MAST1: variants seen among roughly 807,000 people sequenced by gnomAD.
MAST1 encodes microtubule associated serine/threonine kinase 1.
A neutral mutation model predicts 124.6 loss-of-function variants in MAST1; 40 were observed. The observed-to-expected ratio is 0.32, with a 90% CI of 0.25 to 0.42. The LOEUF is 0.42. Among genes scored for constraint, MAST1 ranks in the 10% least tolerant of loss-of-function variants. MAST1 has a pLI of 1.00. For missense variants in MAST1, 1,558 were observed against 2,181.9 expected (o/e 0.71, Z 5.70); for synonymous variants, 938 against 939.4 (o/e 1.00, Z 0.03).
rs1390341638 is a variant in MAST1, at chr19:12,873,921, C to T, written c.3764C>T (p.Pro1255Leu). The change falls in exon 26 of 26, where the codon CCC becomes CTC. Residue 1255 changes from proline to leucine, a missense_variant. Pro to Leu is a moderately conservative substitution (Grantham distance 98). Around this residue, in one of 10 missense-constraint regions of MAST1, gnomAD observed 263 missense variants for 310.9 expected, o/e 0.85. Coordinates refer to ENST00000251472, the MANE Select transcript of MAST1 (RefSeq NM_014975.3). ...VVRPRPKSAEPPRSPLLKRVQ... is the reference protein window; with the variant it reads ...VVRPRPKSAELPRSPLLKRVQ... ...CGCCCGCGCCCCAAGAGTGCCGAGC[C>T]CCCTCGCTCGCCGCTCCTCAAGCGC... The T allele has an allele frequency of 6.3e-7, 1 of 1,586,674 alleles. No homozygotes were observed. The highest frequency in any genetic ancestry group is 1.1e-5 in the South Asian group (1 of 88,888).
chr19:12,852,594 T>C (rs1969976190), intron 10 of MAST1, among the ~76,000 whole-genome samples, 199 bp downstream of exon 10: 1 of 151,888 alleles, frequency 6.6e-6, no homozygotes, highest in Admixed American at 6.6e-5. Context: ...ATCCCAGCAC[T>C]TTGGGAGGCC....
At position 12,838,582 on chromosome 19, in the gene MAST1, T is replaced by C. The variant is rs1323600918; in HGVS notation, c.10T>C (p.Ser4Pro). The C allele has an allele frequency of 6.3e-7, 1 of 1,586,016 alleles. No individual in the cohort carries two copies. The highest frequency in any genetic ancestry group is 2.4e-5 in the East Asian group (1 of 41,070). The change falls in exon 1 of 26, where the codon TCT becomes CCT. Residue 4 changes from serine to proline, a missense_variant. By Grantham distance (74) the Ser-to-Pro change is moderately conservative (BLOSUM62 -1). Coordinates refer to ENST00000251472, the MANE Select transcript of MAST1 (RefSeq NM_014975.3). This position sits in a 1 kb window ranked among gnomAD's most constrained non-coding sequence, Gnocchi z 4.3. Reference protein sequence around the residue: MSDSLWTALSNFSM... With the variant: MSDPLWTALSNFSM... ...TCGCCGCCGCCGGGTCATGTCTGAC[T>C]CTCTCTGGACCGCGCTTTCTAATTT...
Position 12,865,665 on chromosome 19 carries a change from C to A in MAST1, c.1805-52C>A. On this transcript the variant is annotated intron_variant, in intron 15 of 25. Transcript: ENST00000251472. The surrounding 1 kb of genome is among the most constrained non-coding windows in gnomAD (Gnocchi z 7.1). ...TGGGTGACACAGTGAGATCCTGTGT[C>A]CAAACAACAACAACAACAAAAACCG... 6.7e-7 allele frequency: 1 copy of A among 1,495,272 alleles called. No homozygotes were observed. Among genetic ancestry groups the A allele is most frequent in the Non-Finnish European group, 9.1e-7 (1 of 1,097,266 alleles). The allele number at this position is 1,495,272 out of a possible 1,614,324, so 92.6% of individuals were successfully genotyped here. A position where few individuals can be genotyped will look rare whatever the true frequency, so the allele number is the denominator to read the frequency against.
At position 12,871,021 on chromosome 19, in the gene MAST1, G is replaced by T. The variant is rs372440287; in HGVS notation, c.3127-15G>T. ...GCAGCCCCTAGCAGAGCATTTTCCC[G>T]CATTCTTCCCCCAGAGTGGCAACAA... On this transcript the variant is annotated splice_polypyrimidine_tract_variant and intron_variant, in intron 23 of 25. Transcript: ENST00000251472. The T allele has an allele frequency of 1.1e-5, 18 of 1,613,936 alleles. No individual in the cohort carries two copies. The South Asian group carries it at 1.8e-4, about 16-fold the overall frequency.
In MAST1 at chr19:12,866,839, C is replaced by A; in HGVS notation, c.2139+77C>A. 1 of 1,233,190 alleles carries A rather than the reference C, an allele frequency of 8.1e-7. No homozygotes were observed. The highest frequency in any genetic ancestry group is 1.2e-6 in the Non-Finnish European group (1 of 858,372). The allele number at this position is 1,233,190 out of a possible 1,614,324, so 76.4% of individuals were successfully genotyped here. ...TTGGAGAGACAGTGAGAAACAGGTT[C>A]CCTGGTGCCCAAGGTCTCAGGAGCG... is the stretch of plus-strand genomic sequence containing the variant. On this transcript the variant is annotated intron_variant, in intron 18 of 25. Coordinates refer to ENST00000251472, the MANE Select transcript of MAST1 (RefSeq NM_014975.3). The surrounding 1 kb of genome is among the most constrained non-coding windows in gnomAD (Gnocchi z 5.2).
intron 4 of MAST1, among the ~76,000 whole-genome samples, chr19:12,845,411 C>CAAAAAAAAAAAAAA (rs540488398): frequency 4.3e-5 from 3 of 69,110 alleles, no homozygotes; most frequent in South Asian, 1.2e-3. Context: ...CCTGTTTCTA[C>CAAAAAAAAAAAAAA]AAAAAAAAAA....
chr19:12,867,370 G>C (rs1232584399), intron 18 of MAST1, 104 bp from the exon 19 acceptor site: 4 of 1,337,806 alleles, frequency 3.0e-6, no homozygotes, highest in Non-Finnish European at 3.2e-6. Flanking sequence ...GCCAGGCCTC[G>C]GAGGGTGGAG....
chr19:12,858,918 T>A, intron 12 of MAST1, 179 bp downstream of exon 12: 1 of 636,378 alleles, frequency 1.6e-6, no homozygotes, highest in East Asian at 2.7e-5. Flanking sequence ...TATTCAGTCA[T>A]CTATTGGTTT....
rs1599587127 is a variant in MAST1 at position 12,862,720 on chromosome 19, T to C, written c.1367-2089T>C. 2.0e-5 allele frequency among the ~76,000 whole-genome samples: 3 copies of C among 148,500 alleles called. No homozygotes were observed. In the South Asian group the frequency reaches 6.3e-4, roughly 31 times the overall value. On this transcript the variant is annotated intron_variant, in intron 12 of 25. Transcript: ENST00000251472. The stretch of plus-strand genomic sequence containing the variant: ...GCTAAACTCGTTGCCCAGGCTAGAG[T>C]GCAATGACGTGATCTTGGCTCACCG...
In MAST1 at chr19:12,865,937, C is replaced by T. The variant is rs372036717; in HGVS notation, c.1907-43C>T. 14 of 1,612,362 alleles carry T rather than the reference C, an allele frequency of 8.7e-6. No homozygotes were observed. The highest frequency in any genetic ancestry group is 1.2e-5 in the Non-Finnish European group (14 of 1,179,252). ...AGACATGGGGGGCGGGGCTGGGCTG[C>T]TGGGTTGGCCATCAGCTGTGGCTGG... is the stretch of plus-strand genomic sequence containing the variant. On this transcript the variant is annotated intron_variant, in intron 16 of 25. Coordinates refer to ENST00000251472, the MANE Select transcript of MAST1 (RefSeq NM_014975.3). This position sits in a 1 kb window ranked among gnomAD's most constrained non-coding sequence, Gnocchi z 7.1.
At chr19:12,848,138 A>G in intron 7 of MAST1, 81 bp downstream of exon 7, 1 of 1,282,544 alleles carries the variant, frequency 7.8e-7, no homozygotes, top group South Asian at 1.3e-5. Flanking sequence ...TTCACCCCAC[A>G]TACATTCAGG....
At position 12,867,602 on chromosome 19, in the gene MAST1, G is replaced by T. The variant is rs1320793124; in HGVS notation, c.2268G>T (p.Leu756=). The change falls in exon 19 of 26, where the codon CTG becomes CTT. Residue 756 remains leucine, a synonymous_variant. Coordinates refer to ENST00000251472, the MANE Select transcript of MAST1 (RefSeq NM_014975.3). Reference sequence around the variant, plus strand: ...AGGTGGCCGGCAAGCGGGAGGGGCTGGGCGGCCTGACCCTGCGTGAGAAGA... The same window carrying T: ...AGGTGGCCGGCAAGCGGGAGGGGCTTGGCGGCCTGACCCTGCGTGAGAAGA... The part of the protein sequence containing the change: ...EEKVAGKREG[L]GGLTLREKTW... 2 of 1,612,742 alleles carry T rather than the reference G, an allele frequency of 1.2e-6. No homozygotes were observed. Among genetic ancestry groups the T allele is most frequent in the East Asian group, 2.2e-5 (1 of 44,856 alleles).
chr19:12,867,256 G>C (rs1021909372), intron 18 of MAST1, among the ~76,000 whole-genome samples: 2 of 152,106 alleles, frequency 1.3e-5, no homozygotes, highest in Non-Finnish European at 2.9e-5. Flanking sequence ...ATTGGTCAGG[G>C]CATCGTCGGG....
In MAST1 at chr19:12,865,441, C is replaced by T. The variant is rs1018835734; in HGVS notation, c.1764C>T (p.Phe588=). 2.5e-6 allele frequency: 4 copies of T among 1,603,930 alleles called. No homozygotes were observed. Among genetic ancestry groups the T allele is most frequent in the Non-Finnish European group, 3.4e-6 (4 of 1,175,198 alleles). ...TCCTGGTGGGCTGTGTGCCCTTCTT[C>T]GGAGACACACCAGAGGAGCTATTTG... ...YEFLVGCVPF[F]GDTPEELFGQ... Residue 588 remains phenylalanine (F), a synonymous_variant, in exon 15 of 26, where the codon TTC becomes TTT. Coordinates refer to ENST00000251472, the MANE Select transcript of MAST1 (RefSeq NM_014975.3). This position sits in a 1 kb window ranked among gnomAD's most constrained non-coding sequence, Gnocchi z 7.1.
At position 12,838,704 on chromosome 19, in the gene MAST1, CGCCGCTCCGGGTACTGCTGCAGG is replaced by C. The variant is rs1178821991; in HGVS notation, c.83+52_83+74del. 1 of 1,563,544 alleles carries C rather than the reference CGCCGCTCCGGGTACTGCTGCAGG, an allele frequency of 6.4e-7. No individual in the cohort carries two copies. Among genetic ancestry groups the C allele is most frequent in the Non-Finnish European group, 8.8e-7 (1 of 1,142,104 alleles). Reference sequence around the variant, plus strand: ...TTGTCCCGGCCCTCCCCGCAAAAGCCGCCGCTCCGGGTACTGCTGCAGGGCGGGGCCCGGGATGCTGCGCCCGG... The same window carrying C: ...TTGTCCCGGCCCTCCCCGCAAAAGCCGCGGGGCCCGGGATGCTGCGCCCGG... On this transcript the variant is annotated intron_variant, in intron 1 of 25. Transcript: ENST00000251472. The surrounding 1 kb of genome is among the most constrained non-coding windows in gnomAD (Gnocchi z 4.3).
Position 12,870,333 on chromosome 19 carries a change from C to CA in MAST1, c.3004-483dup, listed in dbSNP as rs966764256. On this transcript the variant is annotated intron_variant, in intron 22 of 25. Transcript: ENST00000251472. ...TGAAACCCCATCTCTACTAAAAATA[C>CA]AAAAAAAATTAGCCAGGCGTGGTGG... 1.0e-4 allele frequency among the ~76,000 whole-genome samples: 15 copies of CA among 149,112 alleles called. No homozygotes were observed. In the East Asian group the frequency reaches 1.2e-3, roughly 12 times the overall value.
chr19:12,874,708 C>T lies in MAST1; in HGVS notation c.4551C>T (p.Cys1517=), dbSNP rs1970294145. The T allele has an allele frequency of 1.9e-6, 3 of 1,585,080 alleles. No homozygotes were observed. Among genetic ancestry groups the T allele is most frequent in the Non-Finnish European group, 2.6e-6 (3 of 1,160,468 alleles). ...PQTPSLAPAK[C]SAPSSAVTPV... ...CACCCTCCCTAGCCCCAGCGAAGTG[C>T]AGTGCACCCAGCAGTGCAGTGACCC... Residue 1517 remains cysteine, a synonymous_variant, in exon 26 of 26, where the codon TGC becomes TGT. Transcript: ENST00000251472. The surrounding 1 kb of genome is among the most constrained non-coding windows in gnomAD (Gnocchi z 6.6).
chr19:12,860,446 C>CTTTTT (rs397956908), intron 12 of MAST1, among the ~76,000 whole-genome samples: 13 of 116,556 alleles, frequency 1.1e-4, no homozygotes, highest in Admixed American at 2.0e-4. Flanking sequence ...TTCTTTCTTT[C>CTTTTT]TTTTTTTTTT....
Position 12,852,003 on chromosome 19 carries a change from A to G in MAST1, c.844A>G (p.Ile282Val). ...GCTGGTGAAGAAGTTGCTTATTATC[A>G]TCTCACGCCCTGCGAGGCTGCTGGA... ...TQLVKKLLII[I>V]SRPARLLECL... is the part of the protein sequence containing the mutation. The change falls in exon 8 of 26, where the codon ATC becomes GTC. Residue 282 changes from isoleucine to valine, a missense_variant. This residue lies in a region of MAST1 where 165 missense variants were observed against 315.3 expected (regional missense o/e 0.52). Transcript: ENST00000251472. 6.2e-7 allele frequency: 1 copy of G among 1,614,026 alleles called. No homozygotes were observed. Among genetic ancestry groups the G allele is most frequent in the Non-Finnish European group, 8.5e-7 (1 of 1,180,012 alleles).
Sources: allele counts gnomAD v4.1 joint callset (sites outside exome capture counted in the v4.1 genomes callset), GRCh38; gene constraint gnomAD v4.1.1; regional missense constraint gnomAD v4.1.1; non-coding constraint Gnocchi (gnomAD v3.1); transcripts MANE v1.5; gene names NCBI Gene and HGNC (gene_info 2026-07-23, HGNC 2026-07-21).